The following LINGO2 variants were observed in gnomAD, a reference collection of about 807,000 sequenced individuals.
LINGO2 encodes leucine-rich repeat and immunoglobulin-like domain-containing nogo receptor-interacting protein 2.
In LINGO2, 14 loss-of-function variants were observed where a neutral mutation model predicts 30.6. That is an observed-to-expected ratio of 0.46 (90% CI 0.30 to 0.72). LINGO2 has a LOEUF of 0.72. Ranked by LOEUF, LINGO2 falls within the 30% of genes least tolerant of loss-of-function variation. The pLI is 0.07. For synonymous variants in LINGO2, 317 were observed against 288.5 expected (o/e 1.10, Z -1.00); for missense variants, 729 against 751.7 (o/e 0.97, Z 0.35).
intron 2 of LINGO2, among the ~76,000 whole-genome samples, chr9:28,468,819 G>C (rs1011006925): frequency 2.0e-5 from 3 of 152,148 alleles, no homozygotes; most frequent in Admixed American, 1.3e-4. Context: ...GTTTTCCCCT[G>C]CACAGAGCCA....
chr9:28,030,028 T>C (rs904958323), intron 4 of LINGO2, among the ~76,000 whole-genome samples: 1 of 152,114 alleles, frequency 6.6e-6, no homozygotes, highest in Admixed American at 6.6e-5. Context: ...CCACCAGATA[T>C]CAGAATACAC....
chr9:28,753,175 A>G, the LINGO2 span, among the ~76,000 whole-genome samples: 4 of 152,002 alleles, frequency 2.6e-5, no homozygotes, highest in Admixed American at 6.6e-5. Context: ...GTCTACACTT[A>G]TACTCCAGGA....
intron 1 of LINGO2, among the ~76,000 whole-genome samples, chr9:28,590,876 C>T (rs185212978): frequency 0.014 from 2,200 of 152,142 alleles, 33 homozygotes; most frequent in Non-Finnish European, 0.022. Context: ...TATTGTGGCA[C>T]TATTCACAAT....
At position 28,128,193 on chromosome 9, in the gene LINGO2, A is replaced by T. The variant is rs139489637; in HGVS notation, c.-86-115788T>A. ...ATTTCACAGAAGAAGAAAGATCTAG[A>T]GAGGAAAAGTGAGTTGTACAAAGAA... is the stretch of plus-strand genomic sequence containing the variant. On this transcript the variant is annotated intron_variant, in intron 4 of 5. Transcript: ENST00000379992. Among the ~76,000 whole-genome samples the T allele has an allele frequency of 4.8e-3, 735 of 152,306 alleles. 12 individuals carry two copies. Among genetic ancestry groups the T allele is most frequent in the African/African-American group, 0.016 (671 of 41,558 alleles).
At chr9:28,619,688 G>A (rs1309807672) in intron 1 of LINGO2, among the ~76,000 whole-genome samples, 1 of 152,030 alleles carries the variant, frequency 6.6e-6, no homozygotes, top group Non-Finnish European at 1.5e-5. Context: ...GTTCTTGGAG[G>A]TGCCAGTGTG....
intron 2 of LINGO2, among the ~76,000 whole-genome samples, chr9:28,414,151 T>C (rs942859405): frequency 6.6e-6 from 1 of 152,018 alleles, no homozygotes; most frequent in African/African-American, 2.4e-5. Context: ...TCTAGGCTTC[T>C]AGCTATCAAA....
At chr9:29,121,099 A>G in the LINGO2 span, among the ~76,000 whole-genome samples, 1 of 152,192 alleles carries the variant, frequency 6.6e-6, no homozygotes, top group Non-Finnish European at 1.5e-5. Flanking sequence ...CATTGTTGCC[A>G]GAAATTCAGA....
chr9:28,530,221 A>G (rs1000953578), intron 1 of LINGO2, among the ~76,000 whole-genome samples: 4 of 152,082 alleles, frequency 2.6e-5, no homozygotes, highest in African/African-American at 9.7e-5. Context: ...TAATAGCACG[A>G]TGATGGTGAT....
At chr9:28,704,613 A>T in the LINGO2 span, among the ~76,000 whole-genome samples, 2 of 151,744 alleles carry the variant, frequency 1.3e-5, no homozygotes, top group African/African-American at 2.4e-5. Context: ...TCAGTTTTTC[A>T]GTCCTTTCAG....
the LINGO2 span, among the ~76,000 whole-genome samples, chr9:28,861,517 A>G: frequency 6.6e-6 from 1 of 150,552 alleles, no homozygotes; most frequent in Non-Finnish European, 1.5e-5. Flanking sequence ...TTCACTTTGA[A>G]CACATGTTCT....
the LINGO2 span, among the ~76,000 whole-genome samples, chr9:28,693,718 C>T: frequency 9.2e-5 from 14 of 152,150 alleles, no homozygotes; most frequent in South Asian, 2.9e-3. Context: ...ATCAATAGCC[C>T]TTTTAGAACC....
intron 4 of LINGO2, among the ~76,000 whole-genome samples, chr9:28,172,153 A>G (rs1828617502): frequency 6.6e-6 from 1 of 150,510 alleles, no homozygotes; most frequent in African/African-American, 2.4e-5. Context: ...GCACTTTGGG[A>G]GGCCGAGGCG....
At chr9:28,891,162 G>T in the LINGO2 span, among the ~76,000 whole-genome samples, 356 of 152,122 alleles carry the variant, frequency 2.3e-3, 2 homozygotes, top group Non-Finnish European at 4.0e-3. Flanking sequence ...AGGAGGAAAT[G>T]TTGAAGCAAT....
intron 1 of LINGO2, among the ~76,000 whole-genome samples, chr9:28,644,565 G>T (rs1184174158): frequency 6.7e-6 from 1 of 148,536 alleles, no homozygotes; most frequent in African/African-American, 2.5e-5. Flanking sequence ...AGGTGGGAAT[G>T]GTTAATGGGT....
chr9:28,841,872 C>A, the LINGO2 span, among the ~76,000 whole-genome samples: 1 of 151,674 alleles, frequency 6.6e-6, no homozygotes, highest in Non-Finnish European at 1.5e-5. Flanking sequence ...ACAAAGGGCA[C>A]CATACTAATA....
chr9:29,059,420 T>A, the LINGO2 span, among the ~76,000 whole-genome samples: 1,288 of 145,772 alleles, frequency 8.8e-3, 19 homozygotes, highest in African/African-American at 0.03. Context: ...AATTAAAAAA[T>A]AAATAAATAA....
At chr9:28,876,635 T>C in the LINGO2 span, among the ~76,000 whole-genome samples, 4 of 152,200 alleles carry the variant, frequency 2.6e-5, no homozygotes, top group East Asian at 3.8e-4. Flanking sequence ...CACATTTTCT[T>C]AATCCAGTCT....
chr9:28,393,408 G>A (rs564524330), intron 2 of LINGO2, among the ~76,000 whole-genome samples: 1 of 152,370 alleles, frequency 6.6e-6, no homozygotes, highest in South Asian at 2.1e-4. Context: ...CTGAAAGAGA[G>A]TTATTAAGCT....
chr9:28,304,961 T>C (rs573084475), intron 3 of LINGO2, among the ~76,000 whole-genome samples: 1 of 152,184 alleles, frequency 6.6e-6, no homozygotes, highest in African/African-American at 2.4e-5. Context: ...TTAATTCTAT[T>C]ACTTATCAAT....
Sources: allele counts gnomAD v4.1 joint callset (sites outside exome capture counted in the v4.1 genomes callset), GRCh38; gene constraint gnomAD v4.1.1; transcripts MANE v1.5; gene names NCBI Gene and HGNC (gene_info 2026-07-23, HGNC 2026-07-21).